HIVEP3: variants seen among roughly 807,000 people sequenced by gnomAD.
The protein encoded by HIVEP3 is transcription factor HIVEP3.
Under a neutral mutation model 152.8 loss-of-function variants are expected in HIVEP3, and 49 were observed. That is an observed-to-expected ratio of 0.32 (90% CI 0.26 to 0.41). The LOEUF (loss-of-function observed/expected upper bound fraction) is 0.41, where lower values mean the gene tolerates loss of function less well. HIVEP3 is among the 10% of genes least tolerant of loss of function. HIVEP3 has a pLI of 1.00. For synonymous variants in HIVEP3, 1,269 were observed against 1,289.0 expected, an observed-to-expected ratio of 0.98 and a Z score of 0.33; for missense variants, 2,790 against 3,103.3, an observed-to-expected ratio of 0.90 and a Z score of 2.40.
At chr1:41,516,400 T>C (rs1387879788) in intron 7 of HIVEP3, among the ~76,000 whole-genome samples, 4 of 152,294 alleles carry the variant, frequency 2.6e-5, no homozygotes, top group African/African-American at 9.6e-5. Flanking sequence ...CCGGCATCTG[T>C]CTCGTCGCGG....
At chr1:41,802,094 G>A (rs931400089) in intron 1 of HIVEP3, among the ~76,000 whole-genome samples, 9 of 152,212 alleles carry the variant, frequency 5.9e-5, no homozygotes, top group Admixed American at 3.3e-4. Flanking sequence ...TGCTGGACTG[G>A]TATCATGTCC....
chr1:41,751,754 G>A (rs968217470), intron 1 of HIVEP3, among the ~76,000 whole-genome samples: 9 of 152,294 alleles, frequency 5.9e-5, no homozygotes, highest in African/African-American at 2.2e-4. Flanking sequence ...GCAGGAGAGT[G>A]TCTAATGCTT....
At chr1:41,655,582 C>CAAAAAAAAAAAAAAAAAAAA (rs55918119) in intron 2 of HIVEP3, among the ~76,000 whole-genome samples, 1 of 57,408 alleles carries the variant, frequency 1.7e-5, no homozygotes, top group African/African-American at 6.8e-5. Context: ...CACTCCATCT[C>CAAAAAAAAAAAAAAAAAAAA]AAAAAAAAAA....
intron 3 of HIVEP3, among the ~76,000 whole-genome samples, chr1:41,619,559 G>A (rs1645016978): frequency 6.6e-6 from 1 of 152,198 alleles, no homozygotes; most frequent in African/African-American, 2.4e-5. Context: ...GGCCCCTTAT[G>A]TCTAAGTAGG....
chr1:41,993,452 A>G (rs1270562980), intron 1 of HIVEP3, among the ~76,000 whole-genome samples: 3 of 151,126 alleles, frequency 2.0e-5, no homozygotes, highest in African/African-American at 7.3e-5. Context: ...ACAATGAGAT[A>G]CCATCTCACA....
chr1:41,609,821 T>C (rs1479405078), intron 3 of HIVEP3, among the ~76,000 whole-genome samples: 1 of 152,250 alleles, frequency 6.6e-6, no homozygotes, highest in Non-Finnish European at 1.5e-5. Context: ...CCAGTGATGG[T>C]TAATTTTGTG....
At chr1:41,697,871 G>A (rs796116115) in intron 2 of HIVEP3, among the ~76,000 whole-genome samples, 1 of 152,262 alleles carries the variant, frequency 6.6e-6, no homozygotes, top group African/African-American at 2.4e-5. Context: ...AACCCTGTAG[G>A]TGCCTCTAGT....
intron 2 of HIVEP3, among the ~76,000 whole-genome samples, chr1:41,671,767 G>A (rs777688068): frequency 1.3e-4 from 20 of 152,358 alleles, no homozygotes; most frequent in Non-Finnish European, 2.4e-4. Context: ...GACTAGGAGA[G>A]CACAAAGGAA....
intron 1 of HIVEP3, among the ~76,000 whole-genome samples, chr1:41,776,660 G>C (rs772373921): frequency 6.6e-6 from 1 of 152,230 alleles, no homozygotes; most frequent in Non-Finnish European, 1.5e-5. Flanking sequence ...CTTCAGGGGT[G>C]GGGGTATGAG....
chr1:41,566,699 G>C (rs1644169047), intron 5 of HIVEP3, among the ~76,000 whole-genome samples: 3 of 152,126 alleles, frequency 2.0e-5, no homozygotes, highest in Non-Finnish European at 2.9e-5. Context: ...GAATGGGCAC[G>C]TGCCACATGC....
intron 1 of HIVEP3, among the ~76,000 whole-genome samples, chr1:41,872,345 A>G (rs1290300155): frequency 6.6e-6 from 1 of 152,222 alleles, no homozygotes; most frequent in African/African-American, 2.4e-5. Flanking sequence ...CAGTTTGAAC[A>G]CTTAGCAGTT....
chr1:41,946,053 T>C (rs953553284), intron 1 of HIVEP3, among the ~76,000 whole-genome samples: 2 of 152,146 alleles, frequency 1.3e-5, no homozygotes, highest in Non-Finnish European at 2.9e-5. Context: ...ACCGCTTTAG[T>C]CATGGCCCTC....
chr1:41,964,800 T>A, intron 1 of HIVEP3, among the ~76,000 whole-genome samples: 1 of 152,218 alleles, frequency 6.6e-6, no homozygotes, highest in East Asian at 1.9e-4. Context: ...GGCCACAGTA[T>A]CTGTGGTTCA....
chr1:41,806,317 C>T (rs375158709), intron 1 of HIVEP3, among the ~76,000 whole-genome samples: 44 of 152,306 alleles, frequency 2.9e-4, no homozygotes, highest in Admixed American at 2.1e-3. Flanking sequence ...GACTACACAG[C>T]GTGGGCATGG....
chr1:41,896,333 C>G (rs766197062), intron 1 of HIVEP3, among the ~76,000 whole-genome samples: 2 of 152,224 alleles, frequency 1.3e-5, no homozygotes, highest in African/African-American at 2.4e-5. Flanking sequence ...CATTCCTCTT[C>G]TTCAGAAGTT....
At chr1:42,027,331 T>C (rs1457790225) in intron 1 of HIVEP3, among the ~76,000 whole-genome samples, 1 of 152,206 alleles carries the variant, frequency 6.6e-6, no homozygotes, top group African/African-American at 2.4e-5. Context: ...GACTATTGCA[T>C]AGCCTCATAA....
intron 1 of HIVEP3, among the ~76,000 whole-genome samples, chr1:41,965,927 G>A (rs754016594): frequency 4.6e-5 from 7 of 152,064 alleles, no homozygotes; most frequent in African/African-American, 1.2e-4. Context: ...ACACATTATC[G>A]TCAGATTCTC....
rs902219181 is a variant in HIVEP3 at position 41,585,251 on chromosome 1, G to A, written c.-454C>T. 3 of 399,192 alleles carry A rather than the reference G, an allele frequency of 7.5e-6. No homozygotes were observed. The East Asian group carries it at 1.1e-4, about 14-fold the overall frequency. 24.7% of individuals were successfully genotyped at this position (399,192 alleles called of 1,614,324 possible). On this transcript the variant is annotated 5_prime_UTR_variant, in exon 4 of 9. Transcript: ENST00000372583. ...AGAGATGCCACGCTGGATGCTGGGGGTGGCTCTTCTCCCCTTTAGTTCTGG... is the reference window on the plus strand; with the variant it reads ...AGAGATGCCACGCTGGATGCTGGGGATGGCTCTTCTCCCCTTTAGTTCTGG...
intron 3 of HIVEP3, among the ~76,000 whole-genome samples, chr1:41,600,931 A>G (rs1644739357): frequency 6.6e-6 from 1 of 152,102 alleles, no homozygotes; most frequent in Non-Finnish European, 1.5e-5. Context: ...ATGTATGGTT[A>G]ATTTTTATGT....
Sources: allele counts gnomAD v4.1 joint callset (sites outside exome capture counted in the v4.1 genomes callset), GRCh38; gene constraint gnomAD v4.1.1; transcripts MANE v1.5; gene names NCBI Gene and HGNC (gene_info 2026-07-23, HGNC 2026-07-21).